ARHGAP15: variants seen among roughly 807,000 people sequenced by gnomAD.
ARHGAP15 encodes rho GTPase-activating protein 15.
ARHGAP15 carries 51 observed loss-of-function variants against 63.7 expected under a neutral mutation model. That is an observed-to-expected ratio of 0.80 (90% CI 0.64 to 1.01). The LOEUF (loss-of-function observed/expected upper bound fraction) is 1.01, where lower values mean the gene tolerates loss of function less well. Among genes scored for constraint, ARHGAP15 ranks in the 50% least tolerant of loss-of-function variants. ARHGAP15 has a pLI of 0.00. For synonymous variants in ARHGAP15, 191 were observed against 193.8 expected (o/e 0.99, Z 0.12); for missense variants, 560 against 564.6 (o/e 0.99, Z 0.08).
At chr2:143,660,116 A>G (rs1681676385) in intron 12 of ARHGAP15, among the ~76,000 whole-genome samples, 2 of 152,222 alleles carry the variant, frequency 1.3e-5, no homozygotes, top group South Asian at 4.1e-4. Context: ...ATAGACTAGG[A>G]TGATGGGGTC....
chr2:143,398,860 T>C (rs1443504713), intron 6 of ARHGAP15, among the ~76,000 whole-genome samples: 1 of 151,770 alleles, frequency 6.6e-6, no homozygotes, highest in Admixed American at 6.6e-5. Context: ...ACAGCTTCAA[T>C]ACTAAACAAG....
At chr2:143,416,829 ACCCCCACG>A (rs869271808) in intron 6 of ARHGAP15, among the ~76,000 whole-genome samples, 514 of 104,824 alleles carry the variant, frequency 4.9e-3, no homozygotes, top group African/African-American at 5.9e-3. Flanking sequence ...CCACCCCCCC[ACCCCCACG>A]CCCCCACGCC....
At chr2:143,726,424 CA>C (rs112621967) in intron 13 of ARHGAP15, among the ~76,000 whole-genome samples, 44,916 of 143,266 alleles carry the variant, frequency 0.31, 7,246 homozygotes, top group Non-Finnish European at 0.39. Context: ...AAAAAACAAC[CA>C]AAAAAAAAAG....
intron 3 of ARHGAP15, among the ~76,000 whole-genome samples, chr2:143,209,987 G>C (rs904897585): frequency 2.6e-5 from 4 of 152,036 alleles, no homozygotes; most frequent in Non-Finnish European, 5.9e-5. Context: ...AACAATAAAG[G>C]CTATTAATAT....
intron 12 of ARHGAP15, among the ~76,000 whole-genome samples, chr2:143,680,666 G>A (rs945715394): frequency 2.6e-5 from 4 of 152,178 alleles, no homozygotes; most frequent in Admixed American, 2.6e-4. Flanking sequence ...AAGAGAAGGT[G>A]GTTTCACCAG....
chr2:143,693,671 A>G (rs1286884927), intron 12 of ARHGAP15, among the ~76,000 whole-genome samples: 2 of 152,190 alleles, frequency 1.3e-5, no homozygotes, highest in African/African-American at 4.8e-5. Context: ...CAGACCTTTT[A>G]ATATCTTTAT....
chr2:143,314,865 CAGTTA>C (rs1334848226), intron 6 of ARHGAP15, among the ~76,000 whole-genome samples: 1 of 152,186 alleles, frequency 6.6e-6, no homozygotes, highest in African/African-American at 2.4e-5. Context: ...CATCTGTCCT[CAGTTA>C]AAACACTTTG....
chr2:143,631,491 G>A (rs1268282859), intron 12 of ARHGAP15, among the ~76,000 whole-genome samples: 1 of 151,994 alleles, frequency 6.6e-6, no homozygotes, highest in Non-Finnish European at 1.5e-5. Flanking sequence ...CACTTGGTGT[G>A]GTCAGTGTTT....
chr2:143,604,144 T>C (rs1258551136), intron 11 of ARHGAP15, among the ~76,000 whole-genome samples: 2 of 152,250 alleles, frequency 1.3e-5, no homozygotes, highest in African/African-American at 2.4e-5. Flanking sequence ...CCACAGATCC[T>C]CAGGCTCAAA....
chr2:143,423,860 G>T (rs1011679876), intron 6 of ARHGAP15, among the ~76,000 whole-genome samples: 7 of 152,066 alleles, frequency 4.6e-5, no homozygotes, highest in African/African-American at 1.7e-4. Flanking sequence ...TTATAGGTGA[G>T]AATATAGAAA....
chr2:143,310,890 A>G (rs1171936148), intron 6 of ARHGAP15, among the ~76,000 whole-genome samples: 1 of 152,048 alleles, frequency 6.6e-6, no homozygotes, highest in Non-Finnish European at 1.5e-5. Context: ...TATTTCATTA[A>G]TGATTCCTAT....
intron 6 of ARHGAP15, among the ~76,000 whole-genome samples, chr2:143,358,880 A>C (rs1009936429): frequency 6.6e-5 from 10 of 151,934 alleles, no homozygotes; most frequent in Admixed American, 3.3e-4. Flanking sequence ...GCCAAATTCT[A>C]ATCATTTATA....
intron 11 of ARHGAP15, among the ~76,000 whole-genome samples, chr2:143,591,387 T>A (rs1190628549): frequency 2.0e-5 from 3 of 152,190 alleles, no homozygotes; most frequent in African/African-American, 7.2e-5. Flanking sequence ...ATGTGGATCC[T>A]GGAATCACAG....
chr2:143,581,787 T>A (rs1251908013), intron 11 of ARHGAP15, among the ~76,000 whole-genome samples: 1 of 152,162 alleles, frequency 6.6e-6, no homozygotes, highest in Non-Finnish European at 1.5e-5. Flanking sequence ...CTCCCCCAAC[T>A]TCACATTCCC....
intron 12 of ARHGAP15, among the ~76,000 whole-genome samples, chr2:143,631,363 T>C (rs1034571490): frequency 6.6e-6 from 1 of 152,096 alleles, no homozygotes; most frequent in Non-Finnish European, 1.5e-5. Flanking sequence ...CTGGTTCATA[T>C]GGTAGGTATA....
intron 6 of ARHGAP15, among the ~76,000 whole-genome samples, chr2:143,279,968 T>C (rs573595080): frequency 1.6e-4 from 25 of 152,096 alleles, no homozygotes; most frequent in Non-Finnish European, 3.4e-4. Context: ...TTGGGAGAGC[T>C]TGGGAAGTGG....
chr2:143,517,305 C>G (rs372815221), intron 9 of ARHGAP15, among the ~76,000 whole-genome samples: 1 of 152,080 alleles, frequency 6.6e-6, no homozygotes, highest in East Asian at 1.9e-4. Flanking sequence ...TGGGTTGTCA[C>G]CAATTCAAAC....
intron 6 of ARHGAP15, among the ~76,000 whole-genome samples, chr2:143,411,794 A>G (rs1018519511): frequency 1.3e-5 from 2 of 152,256 alleles, no homozygotes; most frequent in Non-Finnish European, 2.9e-5. Flanking sequence ...ATTAAAATCT[A>G]TTATAAGAAA....
chr2:143,456,231 T>C (rs1238372853), intron 8 of ARHGAP15, among the ~76,000 whole-genome samples: 1 of 152,116 alleles, frequency 6.6e-6, no homozygotes, highest in Non-Finnish European at 1.5e-5. Flanking sequence ...TCATTAAATG[T>C]TGGCTATTAA....
Sources: gnomAD v4.1 joint callset for allele counts (sites outside exome capture counted in the v4.1 genomes callset) on GRCh38, gnomAD v4.1.1 for gene constraint, MANE v1.5 for transcripts, NCBI Gene and HGNC (gene_info 2026-07-23, HGNC 2026-07-21) for gene names.